The following ZNF566 variants were observed in gnomAD, a reference collection of about 807,000 sequenced individuals.
ZNF566 encodes the protein zinc finger protein 566.
In ZNF566, 27 loss-of-function variants were observed where a neutral mutation model predicts 32.8. That is an observed-to-expected ratio of 0.82 (90% confidence interval 0.61 to 1.14). The LOEUF is 1.14. ZNF566 is among the 50% of genes most tolerant of loss of function. ZNF566 has a pLI of 0.00. For synonymous variants in ZNF566, 154 were observed against 159.5 expected, an observed-to-expected ratio of 0.97 and a Z score of 0.26; for missense variants, 402 against 490.4, an observed-to-expected ratio of 0.82 and a Z score of 1.70.
At chr19:36,477,299 C>T (rs554928084) in intron 1 of ZNF566, among the ~76,000 whole-genome samples, 1 of 152,166 alleles carries the variant, frequency 6.6e-6, no homozygotes, top group South Asian at 2.1e-4. Context: ...TATGAGCCAC[C>T]GCGCCTGGCC....
intron 4 of ZNF566, 40 bp from the exon 5 acceptor site, chr19:36,450,041 G>A (rs778624692): frequency 5.9e-6 from 9 of 1,518,954 alleles, no homozygotes; most frequent in Non-Finnish European, 7.9e-6. Context: ...CATTTTTCTT[G>A]TTTGGGAGAA....
At chr19:36,483,608 T>C (rs888190734) in intron 1 of ZNF566, among the ~76,000 whole-genome samples, 2 of 151,638 alleles carry the variant, frequency 1.3e-5, no homozygotes, top group African/African-American at 2.4e-5. Context: ...GCAAAATAAA[T>C]AAATAATAAT....
At chr19:36,474,409 TAGA>T (rs972742204) in intron 2 of ZNF566, among the ~76,000 whole-genome samples, 6 of 152,178 alleles carry the variant, frequency 3.9e-5, no homozygotes, top group African/African-American at 1.4e-4. Flanking sequence ...AAGGGTTGTA[TAGA>T]ACAAAGCCAT....
intron 4 of ZNF566, among the ~76,000 whole-genome samples, chr19:36,462,871 C>T (rs372171849): frequency 2.9e-5 from 4 of 138,362 alleles, no homozygotes; most frequent in East Asian, 2.2e-4. Flanking sequence ...GTAGGAGCAT[C>T]GCTTGAACCC....
At position 36,449,982 on chromosome 19, in the gene ZNF566, C is replaced by T; in HGVS notation, c.252G>A (p.Glu84=). ...CTTTCTTCAGAAATAATTTCTTGGT[C>T]TCACATCTTGATTCCAGGACTGAAA... ...GQWPVLESRC[E]TKKLFLKKEI... The change falls in exon 5 of 5, where the codon GAG becomes GAA. Residue 84 remains glutamate, a synonymous_variant. Coordinates refer to ENST00000452939, the MANE Select transcript of ZNF566 (RefSeq NM_001145344.1). The T allele has an allele frequency of 1.2e-6, 2 of 1,608,364 alleles. No homozygotes were observed. The highest frequency in any genetic ancestry group is 1.7e-4 in the Middle Eastern group (1 of 6,034).
intron 4 of ZNF566, among the ~76,000 whole-genome samples, chr19:36,467,522 C>A (rs1205814849): frequency 2.7e-5 from 4 of 149,964 alleles, no homozygotes; most frequent in Non-Finnish European, 4.4e-5. Context: ...TGTGGCCGGG[C>A]ACGGTGGCTC....
At chr19:36,450,100 A>G in intron 4 of ZNF566, 99 bp from the exon 5 acceptor site, 1 of 940,448 alleles carries the variant, frequency 1.1e-6, no homozygotes, top group South Asian at 1.7e-5. Context: ...TTTTTTACAA[A>G]TGGATGAGGA....
intron 4 of ZNF566, among the ~76,000 whole-genome samples, chr19:36,460,651 AT>A (rs1383066819): frequency 2.0e-5 from 3 of 152,202 alleles, no homozygotes; most frequent in African/African-American, 7.2e-5. Flanking sequence ...ATTTGAAGAA[AT>A]AATGGCTGAA....
chr19:36,477,556 T>TTTTTTTTA, intron 1 of ZNF566, among the ~76,000 whole-genome samples: 1 of 137,540 alleles, frequency 7.3e-6, no homozygotes, highest in Non-Finnish European at 1.6e-5. Context: ...TTTGTTTTTT[T>TTTTTTTTA]GAGACGGAGT....
Position 36,449,216 on chromosome 19 carries a change from C to G in ZNF566, c.1018G>C (p.Glu340Gln). 6.2e-7 allele frequency: 1 copy of G among 1,613,996 alleles called. No individual in the cohort carries two copies. Reference sequence around the variant, plus strand: ...AAAGCCTTTTCACATTCCTTACATTCGTAAGGTTTCTCACCTGTATGGATT... The same window carrying G: ...AAAGCCTTTTCACATTCCTTACATTGGTAAGGTTTCTCACCTGTATGGATT... ...QRIHTGEKPYECKECEKAFRS... is the reference protein window; with the variant it reads ...QRIHTGEKPYQCKECEKAFRS... Residue 340 changes from glutamate (E) to glutamine (Q), a missense_variant, in exon 5 of 5, where the codon GAA (glutamate) becomes CAA (glutamine). By Grantham distance (29) the Glu-to-Gln change is conservative. Transcript: ENST00000452939.
At chr19:36,481,820 C>T (rs965978895) in intron 1 of ZNF566, among the ~76,000 whole-genome samples, 40 of 152,082 alleles carry the variant, frequency 2.6e-4, no homozygotes, top group Admixed American at 1.3e-4. Context: ...AATATCCATA[C>T]GTAGGAAAGC....
chr19:36,489,404 CA>C (rs1417159260), intron 1 of ZNF566, 81 bp downstream of exon 1: 2 of 294,926 alleles, frequency 6.8e-6, no homozygotes, highest in African/African-American at 4.4e-5. Context: ...CGCACGCTTT[CA>C]ATCTCACCTC....
At chr19:36,450,560 C>A (rs887737049) in intron 4 of ZNF566, among the ~76,000 whole-genome samples, 7 of 152,154 alleles carry the variant, frequency 4.6e-5, no homozygotes, top group African/African-American at 1.7e-4. Context: ...ACGAGAATTG[C>A]TTGAACCCGG....
At chr19:36,472,745 G>A (rs541810126) in intron 4 of ZNF566, among the ~76,000 whole-genome samples, 166 bp downstream of exon 4, 1 of 152,320 alleles carries the variant, frequency 6.6e-6, no homozygotes, top group African/African-American at 2.4e-5. Flanking sequence ...CAGGCAAAGT[G>A]TGTTAGGTAA....
chr19:36,467,450 A>G (rs1242800829), intron 4 of ZNF566, among the ~76,000 whole-genome samples: 2 of 150,222 alleles, frequency 1.3e-5, no homozygotes, highest in African/African-American at 4.9e-5. Flanking sequence ...AAAAAAAAAA[A>G]AAAGAATTTC....
At chr19:36,480,288 C>CTTTTTTTTTTTTTTTTT (rs773998048) in intron 1 of ZNF566, among the ~76,000 whole-genome samples, 1 of 136,848 alleles carries the variant, frequency 7.3e-6, no homozygotes, top group African/African-American at 2.7e-5. Flanking sequence ...ATTTTTTTTT[C>CTTTTTTTTTTTTTTTTT]TTTTTTTTTT....
At chr19:36,472,846 T>C in intron 4 of ZNF566, 65 bp downstream of exon 4, 1 of 1,307,396 alleles carries the variant, frequency 7.6e-7, no homozygotes, top group Non-Finnish European at 1.1e-6. Flanking sequence ...GTTTCCCAGA[T>C]AGCATCTAAA....
chr19:36,472,874 C>T (rs2033799844), intron 4 of ZNF566, 37 bp downstream of exon 4: 6 of 1,546,012 alleles, frequency 3.9e-6, no homozygotes, highest in Admixed American at 1.8e-5. Flanking sequence ...GTCTCTCTAC[C>T]AGCCAAATCA....
intron 4 of ZNF566, among the ~76,000 whole-genome samples, chr19:36,461,810 TCA>T (rs1381670025): frequency 6.6e-6 from 1 of 152,214 alleles, no homozygotes; most frequent in African/African-American, 2.4e-5. Context: ...GATTCCAGTG[TCA>T]GTTTTCAAGG....
Sources: gnomAD v4.1 joint callset for allele counts (sites outside exome capture counted in the v4.1 genomes callset) on GRCh38, gnomAD v4.1.1 for gene constraint, MANE v1.5 for transcripts, NCBI Gene and HGNC (gene_info 2026-07-23, HGNC 2026-07-21) for gene names.